GRID2: variants seen among roughly 807,000 people sequenced by gnomAD.
The protein encoded by GRID2 is glutamate receptor ionotropic, delta-2.
GRID2 carries 33 observed loss-of-function variants against 114.8 expected under a neutral mutation model. That is an observed-to-expected ratio of 0.29 (90% CI 0.22 to 0.38). The LOEUF (loss-of-function observed/expected upper bound fraction) is 0.38, where lower values mean the gene tolerates loss of function less well. Ranked by LOEUF, GRID2 falls within the 10% of genes least tolerant of loss-of-function variation. The probability of loss-of-function intolerance (pLI) is 1.00; values close to 1 mark genes in which losing one functional copy is unlikely to be tolerated. For missense variants in GRID2, 1,184 were observed against 1,257.7 expected, an observed-to-expected ratio of 0.94 and a Z score of 0.89; for synonymous variants, 505 against 449.9, an observed-to-expected ratio of 1.12 and a Z score of -1.55.
At chr4:92,667,541 T>C (rs1252719078) in intron 2 of GRID2, among the ~76,000 whole-genome samples, 1 of 151,622 alleles carries the variant, frequency 6.6e-6, no homozygotes, top group Non-Finnish European at 1.5e-5. Context: ...CAAGAACAAA[T>C]AAATATCCAT....
intron 2 of GRID2, among the ~76,000 whole-genome samples, chr4:92,884,036 C>A (rs543619717): frequency 6.6e-6 from 1 of 152,034 alleles, no homozygotes; most frequent in African/African-American, 2.4e-5. Flanking sequence ...CGTGCTTGTC[C>A]AGTATAAGGC....
intron 1 of GRID2, among the ~76,000 whole-genome samples, chr4:92,396,277 AG>A (rs540705755): frequency 2.0e-5 from 3 of 152,054 alleles, no homozygotes; most frequent in Non-Finnish European, 4.4e-5. Context: ...AAAGTGCTAA[AG>A]GTAAAATAGA....
intron 2 of GRID2, among the ~76,000 whole-genome samples, chr4:92,891,238 A>G (rs1175957660): frequency 6.6e-6 from 1 of 152,216 alleles, no homozygotes; most frequent in African/African-American, 2.4e-5. Flanking sequence ...CACGTTCTGC[A>G]CATATATCCC....
intron 1 of GRID2, among the ~76,000 whole-genome samples, chr4:92,413,616 G>A (rs1731444439): frequency 6.6e-6 from 1 of 152,120 alleles, no homozygotes; most frequent in African/African-American, 2.4e-5. Context: ...GTTTACATAT[G>A]GAAAGTGTTT....
At chr4:93,661,235 G>T (rs1439955254) in intron 14 of GRID2, among the ~76,000 whole-genome samples, 2 of 152,236 alleles carry the variant, frequency 1.3e-5, no homozygotes, top group Non-Finnish European at 2.9e-5. Context: ...TTGCAGAAAT[G>T]CACAGAGTGG....
chr4:92,646,246 G>T, intron 2 of GRID2, among the ~76,000 whole-genome samples: 1 of 152,174 alleles, frequency 6.6e-6, no homozygotes, highest in South Asian at 2.1e-4. Context: ...CTTTTATAAA[G>T]TGCCTGTTAA....
At chr4:93,308,502 C>T (rs6532399) in intron 8 of GRID2, among the ~76,000 whole-genome samples, 152 of 152,098 alleles carry the variant, frequency 1.0e-3, no homozygotes, top group Admixed American at 1.8e-3. Context: ...TAAACTCAGT[C>T]GAAGTGAGCT....
intron 2 of GRID2, among the ~76,000 whole-genome samples, chr4:92,787,729 A>G (rs1055922743): frequency 6.6e-6 from 1 of 151,940 alleles, no homozygotes; most frequent in Non-Finnish European, 1.5e-5. Flanking sequence ...TGGCTATTTC[A>G]TAGAACAAAT....
chr4:92,553,834 T>A (rs975286139), intron 1 of GRID2, among the ~76,000 whole-genome samples: 2 of 152,082 alleles, frequency 1.3e-5, no homozygotes, highest in African/African-American at 4.8e-5. Flanking sequence ...GTATTTTTAG[T>A]AGAGACGGGC....
In GRID2 at chr4:92,939,249, T is replaced by C. The variant is rs566629130; in HGVS notation, c.245-145746T>C. 1.6e-3 allele frequency among the ~76,000 whole-genome samples: 240 copies of C among 147,510 alleles called. 6 individuals are homozygous for C. Among genetic ancestry groups the C allele is most frequent in the African/African-American group, 5.7e-3 (236 of 41,352 alleles). On this transcript the variant is annotated intron_variant, in intron 2 of 15. Coordinates refer to ENST00000282020, the MANE Select transcript of GRID2 (RefSeq NM_001510.4). Reference sequence around the variant, plus strand: ...CTGTTGTTTCCTGACATTTTAATGATTGCCATTCTAACTGGTGGGAGATGA... The same window carrying C: ...CTGTTGTTTCCTGACATTTTAATGACTGCCATTCTAACTGGTGGGAGATGA...
At chr4:92,364,166 A>T (rs1728746122) in intron 1 of GRID2, among the ~76,000 whole-genome samples, 1 of 152,018 alleles carries the variant, frequency 6.6e-6, no homozygotes, top group Non-Finnish European at 1.5e-5. Context: ...TCATGGTAAG[A>T]TTTTTCATAA....
At chr4:92,392,490 G>C (rs1158989423) in intron 1 of GRID2, among the ~76,000 whole-genome samples, 1 of 151,952 alleles carries the variant, frequency 6.6e-6, no homozygotes, top group Admixed American at 6.6e-5. Flanking sequence ...AATGAGCCGG[G>C]ATGGCACCAC....
At chr4:93,080,856 A>T (rs999220175) in intron 2 of GRID2, among the ~76,000 whole-genome samples, 4 of 152,182 alleles carry the variant, frequency 2.6e-5, no homozygotes. Context: ...GGAAGTCAAG[A>T]TCAATACACT....
intron 2 of GRID2, among the ~76,000 whole-genome samples, chr4:93,038,557 G>A (rs769119614): frequency 2.2e-4 from 33 of 152,098 alleles, no homozygotes; most frequent in African/African-American, 6.3e-4. Flanking sequence ...TTGGGAGGCC[G>A]AGGCGGGTGG....
chr4:92,773,144 G>A (rs1738619985), intron 2 of GRID2, among the ~76,000 whole-genome samples: 1 of 152,156 alleles, frequency 6.6e-6, no homozygotes. Context: ...TGCAGTCTAT[G>A]ATATTATGAA....
chr4:93,163,399 T>TATATATATATATGTATATATATATATAC lies in GRID2; in HGVS notation c.736-44004_736-44003insTATATATATATGTATATATATATATACA. On this transcript the variant is annotated intron_variant, in intron 4 of 15. Coordinates refer to ENST00000282020, the MANE Select transcript of GRID2 (RefSeq NM_001510.4). ...ATATATATATATATATATATATATA[T>TATATATATATATGTATATATATATATAC]ACACTATATATATACATACATGTAT... 1.2e-4 allele frequency among the ~76,000 whole-genome samples: 6 copies of TATATATATATATGTATATATATATATAC among 49,152 alleles called. 1 individual carries two copies. Among genetic ancestry groups the TATATATATATATGTATATATATATATAC allele is most frequent in the African/African-American group, 4.7e-4 (6 of 12,646 alleles). 32.2% of individuals were successfully genotyped at this position (49,152 alleles called of 152,430 possible). A position where few individuals can be genotyped will look rare whatever the true frequency, so the allele number is the denominator to read the frequency against.
intron 1 of GRID2, among the ~76,000 whole-genome samples, chr4:92,349,969 T>C (rs1268603694): frequency 6.6e-6 from 1 of 151,890 alleles, no homozygotes; most frequent in East Asian, 1.9e-4. Context: ...AAAGTAGCAT[T>C]CTCCCTCTTT....
At chr4:92,715,051 GCT>G (rs1330239600) in intron 2 of GRID2, among the ~76,000 whole-genome samples, 1 of 152,086 alleles carries the variant, frequency 6.6e-6, no homozygotes, top group Non-Finnish European at 1.5e-5. Flanking sequence ...AAACTTTTAT[GCT>G]CTCTTTCCCT....
rs1056168972 is a variant in GRID2, at chr4:92,556,481, G to A, written c.89-33650G>A. 2.0e-5 allele frequency among the ~76,000 whole-genome samples: 3 copies of A among 152,006 alleles called. No homozygotes were observed. The East Asian group carries it at 5.8e-4, about 29-fold the overall frequency. On this transcript the variant is annotated intron_variant, in intron 1 of 15. Transcript: ENST00000282020. The stretch of plus-strand genomic sequence containing the variant: ...CATTTATTATTATTATTATTTTGCA[G>A]TGTATTAGTTAACTACTGTTATATA...
Sources: allele counts gnomAD v4.1 joint callset (sites outside exome capture counted in the v4.1 genomes callset), GRCh38; gene constraint gnomAD v4.1.1; transcripts MANE v1.5; gene names NCBI Gene and HGNC (gene_info 2026-07-23, HGNC 2026-07-21).